The following GNA14 variants were observed in gnomAD, a reference collection of about 807,000 sequenced individuals.
The protein encoded by GNA14 is guanine nucleotide-binding protein subunit alpha-14.
Under a neutral mutation model 42.0 loss-of-function variants are expected in GNA14, and 50 were observed. The observed-to-expected ratio is 1.19, with a 90% CI of 0.95 to 1.51. The LOEUF (loss-of-function observed/expected upper bound fraction) is 1.51. GNA14 is among the 40% of genes most tolerant of loss of function. GNA14 has a pLI of 0.00. For synonymous variants in GNA14, 173 were observed against 163.1 expected (o/e 1.06, Z -0.46); for missense variants, 473 against 446.2 (o/e 1.06, Z -0.54).
intron 1 of GNA14, among the ~76,000 whole-genome samples, chr9:77,607,376 G>C (rs977601194): frequency 6.6e-6 from 1 of 152,210 alleles, no homozygotes; most frequent in African/African-American, 2.4e-5. Flanking sequence ...TACACAGGAA[G>C]AGAGGCTTGA....
chr9:77,438,395 G>C (rs1835672868), intron 2 of GNA14, among the ~76,000 whole-genome samples: 1 of 151,896 alleles, frequency 6.6e-6, no homozygotes, highest in African/African-American at 2.4e-5. Flanking sequence ...AGCCTCCCGA[G>C]TAGCTGGGAT....
At chr9:77,576,844 C>G (rs1823136208) in intron 1 of GNA14, among the ~76,000 whole-genome samples, 1 of 151,096 alleles carries the variant, frequency 6.6e-6, no homozygotes, top group Non-Finnish European at 1.5e-5. Flanking sequence ...ATCAGAAACA[C>G]AGCAAATATT....
intron 1 of GNA14, among the ~76,000 whole-genome samples, chr9:77,539,419 C>T (rs535490626): frequency 4.6e-5 from 7 of 152,146 alleles, no homozygotes; most frequent in South Asian, 2.1e-4. Flanking sequence ...AGTATTTAGT[C>T]GAAGACTTTT....
chr9:77,505,512 C>T (rs1837053935), intron 2 of GNA14, among the ~76,000 whole-genome samples: 1 of 152,112 alleles, frequency 6.6e-6, no homozygotes, highest in Non-Finnish European at 1.5e-5. Flanking sequence ...CAGGATGAGT[C>T]GTAATTCATT....
At chr9:77,451,201 C>T (rs920217422) in intron 2 of GNA14, among the ~76,000 whole-genome samples, 21 of 152,094 alleles carry the variant, frequency 1.4e-4, no homozygotes, top group Non-Finnish European at 7.4e-5. Context: ...AGGGAGCTTT[C>T]GATGAATTTA....
intron 5 of GNA14, among the ~76,000 whole-genome samples, chr9:77,428,461 G>A (rs569410086): frequency 5.4e-4 from 82 of 152,124 alleles, no homozygotes; most frequent in African/African-American, 2.0e-3. Context: ...AATAGGTTCC[G>A]ACCTTAGCAG....
intron 2 of GNA14, among the ~76,000 whole-genome samples, chr9:77,508,994 G>T (rs1837117352): frequency 6.6e-6 from 1 of 152,056 alleles, no homozygotes; most frequent in Non-Finnish European, 1.5e-5. Flanking sequence ...GTACAGTTTA[G>T]GGCATTAATA....
intron 1 of GNA14, among the ~76,000 whole-genome samples, chr9:77,628,526 G>T (rs1824046452): frequency 6.6e-6 from 1 of 152,116 alleles, no homozygotes; most frequent in Non-Finnish European, 1.5e-5. Context: ...CATGGTACTG[G>T]TACCAAAACA....
chr9:77,639,529 ACAAT>A (rs1824227554), intron 1 of GNA14, among the ~76,000 whole-genome samples: 3 of 152,208 alleles, frequency 2.0e-5, no homozygotes, highest in Admixed American at 2.0e-4. Flanking sequence ...GTAGATGAGC[ACAAT>A]CAGACAGATG....
At chr9:77,519,618 G>A (rs886404853) in intron 2 of GNA14, among the ~76,000 whole-genome samples, 5 of 152,218 alleles carry the variant, frequency 3.3e-5, no homozygotes, top group Admixed American at 6.5e-5. Flanking sequence ...TGGACACAGA[G>A]TATGAAATAA....
At chr9:77,567,883 G>T (rs1368721358) in intron 1 of GNA14, among the ~76,000 whole-genome samples, 1 of 151,856 alleles carries the variant, frequency 6.6e-6, no homozygotes, top group Non-Finnish European at 1.5e-5. Context: ...AAAAAAACAA[G>T]TATTCCATTA....
At chr9:77,631,163 T>G (rs1388268110) in intron 1 of GNA14, among the ~76,000 whole-genome samples, 2 of 152,164 alleles carry the variant, frequency 1.3e-5, no homozygotes, top group African/African-American at 4.8e-5. Context: ...ATGTTGCTTT[T>G]TCACCCTTAA....
At chr9:77,513,690 C>G (rs1837205651) in intron 2 of GNA14, among the ~76,000 whole-genome samples, 1 of 152,232 alleles carries the variant, frequency 6.6e-6, no homozygotes, top group African/African-American at 2.4e-5. Context: ...CATTACAGGA[C>G]TGCCCTGCTG....
At chr9:77,597,921 G>A (rs113707749) in intron 1 of GNA14, among the ~76,000 whole-genome samples, 20 of 152,088 alleles carry the variant, frequency 1.3e-4, no homozygotes, top group African/African-American at 4.6e-4. Context: ...AAAATTAGCT[G>A]GGCGTGGTGG....
chr9:77,439,200 C>T (rs1358130448), intron 2 of GNA14, among the ~76,000 whole-genome samples: 1 of 152,108 alleles, frequency 6.6e-6, no homozygotes, highest in Non-Finnish European at 1.5e-5. Context: ...CCCCAGAGAA[C>T]GTTCCAGGGA....
chr9:77,628,931 T>C (rs1467241818), intron 1 of GNA14, among the ~76,000 whole-genome samples: 1 of 151,998 alleles, frequency 6.6e-6, no homozygotes, highest in Non-Finnish European at 1.5e-5. Flanking sequence ...CAAAAGAAAC[T>C]ATCATCAGAG....
At chr9:77,592,641 C>T (rs1168620255) in intron 1 of GNA14, among the ~76,000 whole-genome samples, 1 of 152,200 alleles carries the variant, frequency 6.6e-6, no homozygotes, top group African/African-American at 2.4e-5. Context: ...TGCTTCCTCT[C>T]TAAACATTCG....
rs183386589 is a variant in GNA14 at position 77,433,713 on chromosome 9, A to G, written c.464+655T>C. Among the ~76,000 whole-genome samples, 262 of 152,350 alleles carry G rather than the reference A, an allele frequency of 1.7e-3. 2 individuals are homozygous for G. The highest frequency in any genetic ancestry group is 6.1e-3 in the African/African-American group (253 of 41,584). On this transcript the variant is annotated intron_variant, in intron 3 of 6. Coordinates refer to ENST00000341700, the MANE Select transcript of GNA14 (RefSeq NM_004297.4). ...GGACAGTTTGCATGCTGGGACATCT[A>G]AATAGAAATCTTTTTACCTTCAAGG...
At chr9:77,636,124 G>C (rs1824180290) in intron 1 of GNA14, among the ~76,000 whole-genome samples, 1 of 152,126 alleles carries the variant, frequency 6.6e-6, no homozygotes, top group Non-Finnish European at 1.5e-5. Context: ...ACCTTCATTT[G>C]ATTTTTATTA....
Sources: gnomAD v4.1 joint callset for allele counts (sites outside exome capture counted in the v4.1 genomes callset) on GRCh38, gnomAD v4.1.1 for gene constraint, MANE v1.5 for transcripts, NCBI Gene and HGNC (gene_info 2026-07-23, HGNC 2026-07-21) for gene names.